Variants in SLC2A5 observed in about 807,000 individuals in gnomAD.
The protein encoded by SLC2A5 is solute carrier family 2 member 5.
A neutral mutation model predicts 50.3 loss-of-function variants in SLC2A5; 56 were observed. That is an observed-to-expected ratio of 1.11 (90% confidence interval 0.90 to 1.39). SLC2A5 has a LOEUF of 1.39. Among genes scored for constraint, SLC2A5 ranks in the 40% most tolerant of loss-of-function variants. The probability of loss-of-function intolerance (pLI) is 0.00; values close to 1 mark genes in which losing one functional copy is unlikely to be tolerated. For synonymous variants in SLC2A5, 269 were observed against 281.9 expected (o/e 0.95, Z 0.46); for missense variants, 566 against 650.1 (o/e 0.87, Z 1.41).
rs528974927 is a variant in SLC2A5 at position 9,038,389 on chromosome 1, A to AG, written c.1174+41dup. ...GCTCCAGCCCGGAGCTTCTGGGACCAGGGGGGGTTGTGACACCCTGAGGCC... is the reference window on the plus strand; with the variant it reads ...GCTCCAGCCCGGAGCTTCTGGGACCAGGGGGGGGTTGTGACACCCTGAGGCC... On this transcript the variant is annotated intron_variant, in intron 10 of 11. Coordinates refer to ENST00000377424, the MANE Select transcript of SLC2A5 (RefSeq NM_003039.3). 290 of 1,387,040 alleles carry AG rather than the reference A, an allele frequency of 2.1e-4. 2 individuals are homozygous for AG. The African/African-American group carries it at 3.3e-3, about 16-fold the overall frequency. 85.9% of individuals were successfully genotyped at this position (1,387,040 alleles called of 1,614,324 possible). A position where few individuals can be genotyped will look rare whatever the true frequency, so the allele number is the denominator to read the frequency against.
At chr1:9,081,919 TA>T (rs1301721113) in intron 2 of SLC2A5, among the ~76,000 whole-genome samples, 6 of 151,986 alleles carry the variant, frequency 3.9e-5, no homozygotes. Flanking sequence ...CCACCTCTAC[TA>T]AAAATACAAA....
intron 4 of SLC2A5, among the ~76,000 whole-genome samples, chr1:9,047,333 T>C (rs749168342): frequency 3.3e-5 from 5 of 152,048 alleles, no homozygotes; most frequent in African/African-American, 4.8e-5. Flanking sequence ...TGACCTGCAG[T>C]TGAGAAAATA....
chr1:9,074,956 A>G (rs906001959), intron 2 of SLC2A5, among the ~76,000 whole-genome samples: 1 of 152,020 alleles, frequency 6.6e-6, no homozygotes, highest in Non-Finnish European at 1.5e-5. Flanking sequence ...CAGGAACTTC[A>G]GGCTGCAGTG....
upstream of SLC2A5, chr1:9,072,944 A>C (rs1183565945): frequency 6.6e-6 from 1 of 152,110 alleles, no homozygotes; most frequent in African/African-American, 2.4e-5. Context: ...CCTGGGTGAC[A>C]GAGCGAGACT....
rs375528725 is a variant in SLC2A5, at chr1:9,037,691, C to T, written c.1401G>A (p.Thr467=). Residue 467 remains threonine (T), a synonymous_variant, in exon 12 of 12, where the codon ACG becomes ACA. Transcript: ENST00000377424. ...TGAAAATCTGGTTGATCTCTATGAA[C>T]GTCTTGGCCTTGGTCTCCGGGACAA... is the stretch of plus-strand genomic sequence containing the variant. ...FLIVPETKAK[T]FIEINQIFTK... 2.1e-5 allele frequency: 34 copies of T among 1,614,062 alleles called. No homozygotes were observed. Among genetic ancestry groups the T allele is most frequent in the African/African-American group, 2.7e-5 (2 of 74,924 alleles).
chr1:9,090,663 A>G (rs1366296885), upstream of SLC2A5, among the ~76,000 whole-genome samples: 3 of 152,090 alleles, frequency 2.0e-5, no homozygotes. Flanking sequence ...TGCCTTTTTT[A>G]CTATCCCTCT....
At position 9,038,272 on chromosome 1, in the gene SLC2A5, G is replaced by A. The variant is rs11804164; in HGVS notation, c.1174+159C>T. ...ACCCACACCACCATTTTACCATTTC[G>A]CTCTCATTATGTGCCACCCACCCCC... On this transcript the variant is annotated intron_variant, in intron 10 of 11. Transcript: ENST00000377424. Among the ~76,000 whole-genome samples, 4,401 of 152,238 alleles carry A rather than the reference G, an allele frequency of 0.029. 226 individuals are homozygous for A. Among genetic ancestry groups the A allele is most frequent in the African/African-American group, 0.1 (4,241 of 41,520 alleles).
intron 1 of SLC2A5, among the ~76,000 whole-genome samples, chr1:9,086,455 C>T (rs1450633061): frequency 6.7e-6 from 1 of 150,126 alleles, no homozygotes; most frequent in East Asian, 1.9e-4. Flanking sequence ...GTGGCACAAT[C>T]TCAGCTCACT....
At position 9,037,183 on chromosome 1, in the gene SLC2A5, G is replaced by A. The variant is rs1016561533; in HGVS notation, c.*403C>T. 1.4e-5 allele frequency: 3 copies of A among 206,938 alleles called. No homozygotes were observed. Among genetic ancestry groups the A allele is most frequent in the Non-Finnish European group, 3.0e-5 (3 of 101,412 alleles). The allele number at this position is 206,938 out of a possible 1,614,324, so 12.8% of individuals were successfully genotyped here. A position where few individuals can be genotyped will look rare whatever the true frequency, so the allele number is the denominator to read the frequency against. On this transcript the variant is annotated 3_prime_UTR_variant, in exon 12 of 12. Coordinates refer to ENST00000377424, the MANE Select transcript of SLC2A5 (RefSeq NM_003039.3). The stretch of plus-strand genomic sequence containing the variant: ...TGCCCATGGCCCCGGAAGACCTGTC[G>A]GGGCCACCAAGTTAGTTTCTCTGGC...
chr1:9,073,938 G>A (rs1176117256), upstream of SLC2A5, among the ~76,000 whole-genome samples: 1 of 152,200 alleles, frequency 6.6e-6, no homozygotes, highest in Non-Finnish European at 1.5e-5. Context: ...GAATTAGCCA[G>A]GCTTGGTGGC....
chr1:9,053,515 T>A (rs1263328559), intron 3 of SLC2A5, among the ~76,000 whole-genome samples: 2 of 80,146 alleles, frequency 2.5e-5, no homozygotes, highest in Non-Finnish European at 5.0e-5. Flanking sequence ...TTATATATTT[T>A]ATCTATATAT....
rs982175597 is a variant in SLC2A5, at chr1:9,042,001, C to T, written c.419-64G>A. On this transcript the variant is annotated intron_variant, in intron 4 of 11. Coordinates refer to ENST00000377424, the MANE Select transcript of SLC2A5 (RefSeq NM_003039.3). Reference sequence around the variant, plus strand: ...TAGTCTGGCAGGGACAAGCTGTCTTCAAGTATACTATTCTTAGCAATAACA... The same window carrying T: ...TAGTCTGGCAGGGACAAGCTGTCTTTAAGTATACTATTCTTAGCAATAACA... 1.3e-5 allele frequency: 19 copies of T among 1,484,798 alleles called. No homozygotes were observed. The African/African-American group carries it at 2.5e-4, about 20-fold the overall frequency. 92.0% of individuals were successfully genotyped at this position (1,484,798 alleles called of 1,614,324 possible). A position where few individuals can be genotyped will look rare whatever the true frequency, so the allele number is the denominator to read the frequency against.
intron 3 of SLC2A5, among the ~76,000 whole-genome samples, chr1:9,050,469 C>CA (rs1000367518): frequency 2.0e-5 from 3 of 150,666 alleles, no homozygotes; most frequent in Admixed American, 6.6e-5. Context: ...AAACAAAAAA[C>CA]AAAAAAAAGG....
At chr1:9,069,851 T>C (rs1005544363), upstream of SLC2A5, 3 of 287,010 alleles carry the variant, frequency 1.0e-5, no homozygotes, top group African/African-American at 4.4e-5. Flanking sequence ...AGGCTCATGG[T>C]GAATGACTGG....
intron 2 of SLC2A5, among the ~76,000 whole-genome samples, chr1:9,075,852 G>C (rs946218545): frequency 6.6e-6 from 1 of 152,048 alleles, no homozygotes; most frequent in Non-Finnish European, 1.5e-5. Context: ...GTAGAAACGG[G>C]GTTTCACCAT....
At chr1:9,048,723 G>A (rs966406148) in intron 3 of SLC2A5, among the ~76,000 whole-genome samples, 3 of 151,740 alleles carry the variant, frequency 2.0e-5, no homozygotes, top group African/African-American at 7.3e-5. Context: ...TGCAGTGATC[G>A]CAGCTCACTG....
intron 2 of SLC2A5, among the ~76,000 whole-genome samples, chr1:9,075,034 A>C (rs1642264634): frequency 1.9e-5 from 2 of 104,828 alleles, no homozygotes; most frequent in Non-Finnish European, 4.4e-5. Flanking sequence ...AAACAAAACA[A>C]AAAAAAAAAG....
At chr1:9,092,115 C>T (rs1033105634), upstream of SLC2A5, among the ~76,000 whole-genome samples, 7 of 152,156 alleles carry the variant, frequency 4.6e-5, no homozygotes, top group Admixed American at 6.5e-5. Flanking sequence ...TCCATTGCAA[C>T]GTACATCAAT....
rs866854858 is a variant in SLC2A5 at position 9,038,014 on chromosome 1, G to A, written c.1185C>T (p.Pro395=). Residue 395 remains proline (P), a synonymous_variant, in exon 11 of 12, where the codon CCC becomes CCT. Coordinates refer to ENST00000377424, the MANE Select transcript of SLC2A5 (RefSeq NM_003039.3). ...GGAAGATCTCAGTGATGAGCAGCGC[G>A]GGTATGGGACCTGTAGGGGGAGGAG... The part of the protein sequence containing the change: ...IGHALGPSPI[P]ALLITEIFLQ... 6.8e-6 allele frequency: 11 copies of A among 1,613,688 alleles called. No individual in the cohort carries two copies. The highest frequency in any genetic ancestry group is 1.6e-4 in the Middle Eastern group (1 of 6,082).
Sources: allele counts gnomAD v4.1 joint callset (sites outside exome capture counted in the v4.1 genomes callset), GRCh38; gene constraint gnomAD v4.1.1; transcripts MANE v1.5; gene names NCBI Gene and HGNC (gene_info 2026-07-23, HGNC 2026-07-21).